The following FOXK1 variants were observed in gnomAD, a reference collection of about 807,000 sequenced individuals.
FOXK1 encodes the protein forkhead box K1, also known as forkhead box protein K1.
A neutral mutation model predicts 51.9 loss-of-function variants in FOXK1; 19 were observed. The observed-to-expected ratio is 0.37, with a 90% CI of 0.26 to 0.54. The LOEUF (loss-of-function observed/expected upper bound fraction) is 0.54, where lower values mean the gene tolerates loss of function less well. FOXK1 is among the 20% of genes least tolerant of loss of function. FOXK1 has a pLI of 0.87. For missense variants in FOXK1, 870 were observed against 1,032.7 expected (o/e 0.84, Z 2.16); for synonymous variants, 537 against 482.6 (o/e 1.11, Z -1.48).
chr7:4,691,259 A>G (rs1779887562), intron 1 of FOXK1, among the ~76,000 whole-genome samples: 1 of 152,190 alleles, frequency 6.6e-6, no homozygotes, highest in Non-Finnish European at 1.5e-5. Flanking sequence ...CTTAAACATA[A>G]CAGTTTCATC....
Position 4,755,500 on chromosome 7 carries a change from C to A in FOXK1, c.1050+117C>A. The A allele has an allele frequency of 7.2e-7, 1 of 1,395,528 alleles. No individual in the cohort carries two copies. Among genetic ancestry groups the A allele is most frequent in the Non-Finnish European group, 9.7e-7 (1 of 1,035,866 alleles). The allele number at this position is 1,395,528 out of a possible 1,614,324, so 86.4% of individuals were successfully genotyped here. On this transcript the variant is annotated intron_variant, in intron 4 of 8. Coordinates refer to ENST00000328914, the MANE Select transcript of FOXK1 (RefSeq NM_001037165.2). The surrounding 1 kb of genome is among the most constrained non-coding windows in gnomAD (Gnocchi z 6.6). ...CCAGTGAGGGGGCTCACGCCTGGAA[C>A]CCTAGCATTTTGTGAGGCCGAGGCA...
At chr7:4,704,450 CAAAAAAAAAAAAAAAAAA>C in intron 1 of FOXK1, among the ~76,000 whole-genome samples, 1 of 66,458 alleles carries the variant, frequency 1.5e-5, no homozygotes, top group East Asian at 6.2e-4. Context: ...GACTCTGTCT[CAAAAAAAAAAAAAAAAAA>C]GAAAAGAAAA....
chr7:4,702,868 C>A (rs948190577), intron 1 of FOXK1, among the ~76,000 whole-genome samples: 6 of 152,194 alleles, frequency 3.9e-5, no homozygotes, highest in Non-Finnish European at 8.8e-5. Flanking sequence ...CAGCTCTGAC[C>A]AGAGGGGATG....
chr7:4,705,559 C>T (rs1399823539), intron 1 of FOXK1, among the ~76,000 whole-genome samples: 3 of 136,150 alleles, frequency 2.2e-5, no homozygotes, highest in Non-Finnish European at 4.9e-5. Flanking sequence ...CTCTCTCTCT[C>T]GCTCTCGCTC....
Position 4,706,043 on chromosome 7 carries a change from CGTGTATAT to C in FOXK1, c.560+23176_560+23183del, listed in dbSNP as rs1562373244. On this transcript the variant is annotated intron_variant, in intron 1 of 8. Transcript: ENST00000328914. ...ATATACGTGTATATACGTGTATATA[CGTGTATAT>C]ATGTATATATATGTGTATATATGTA... 1.4e-3 allele frequency among the ~76,000 whole-genome samples: 130 copies of C among 95,212 alleles called. 13 individuals carry two copies. Among genetic ancestry groups the C allele is most frequent in the African/African-American group, 0.01 (117 of 11,330 alleles). 62.5% of individuals were successfully genotyped at this position (95,212 alleles called of 152,430 possible). A position where few individuals can be genotyped will look rare whatever the true frequency, so the allele number is the denominator to read the frequency against.
chr7:4,687,597 A>T (rs1045588219), intron 1 of FOXK1, among the ~76,000 whole-genome samples: 1 of 152,094 alleles, frequency 6.6e-6, no homozygotes, highest in East Asian at 1.9e-4. Context: ...CCCGGCCCCA[A>T]CTGAATTCTT....
At chr7:4,690,842 G>A (rs905128670) in intron 1 of FOXK1, among the ~76,000 whole-genome samples, 6 of 152,158 alleles carry the variant, frequency 3.9e-5, no homozygotes, top group Non-Finnish European at 7.3e-5. Flanking sequence ...AATGTCAGAG[G>A]ATAAACTTGC....
intron 1 of FOXK1, among the ~76,000 whole-genome samples, chr7:4,699,346 G>A (rs550744649): frequency 6.9e-5 from 10 of 145,760 alleles, no homozygotes; most frequent in South Asian, 2.2e-4. Flanking sequence ...GCAGTGACAC[G>A]ACTCGTGGGG....
rs757454404 is a variant in FOXK1, at chr7:4,682,839, C to A, written c.531C>A (p.Arg177=). The A allele has an allele frequency of 1.3e-6, 2 of 1,563,934 alleles. No homozygotes were observed. Among genetic ancestry groups the A allele is most frequent in the Non-Finnish European group, 1.7e-6 (2 of 1,160,750 alleles). Residue 177 remains arginine (R), a synonymous_variant, in exon 1 of 9, where the codon CGC becomes CGA. Coordinates refer to ENST00000328914, the MANE Select transcript of FOXK1 (RefSeq NM_001037165.2). This position sits in a 1 kb window ranked among gnomAD's most constrained non-coding sequence, Gnocchi z 7.6. ...TCGTGGACGGGGCCTTCCAGAGACG[C>A]GGCGCGCCCGCCCTGCAGCTGCCCA... ...GVFVDGAFQR[R]GAPALQLPKQ...
rs1301964022 is a variant in FOXK1, at chr7:4,683,953, C to G, written c.560+1085C>G. Among the ~76,000 whole-genome samples the G allele has an allele frequency of 6.6e-6, 1 of 152,156 alleles. No individual in the cohort carries two copies. Among genetic ancestry groups the G allele is most frequent in the Non-Finnish European group, 1.5e-5 (1 of 68,032 alleles). ...GCTCCTTGGATGGAGTAGCGGGACC[C>G]CAAGATCAAATTAGATTCCCCCGGG... is the stretch of plus-strand genomic sequence containing the variant. On this transcript the variant is annotated intron_variant, in intron 1 of 8. Transcript: ENST00000328914. This position sits in a 1 kb window ranked among gnomAD's most constrained non-coding sequence, Gnocchi z 4.5.
At chr7:4,754,907 T>C in intron 3 of FOXK1, 3 of 577,566 alleles carry the variant, frequency 5.2e-6, no homozygotes, top group Non-Finnish European at 3.1e-6. Flanking sequence ...AAAGCCTTCA[T>C]ACAGCCCTTG....
rs1781078566 is a variant in FOXK1, at chr7:4,770,124, G to T, written c.*7660G>T. 1 of 152,060 alleles carries T rather than the reference G, an allele frequency of 6.6e-6. No individual in the cohort carries two copies. The highest frequency in any genetic ancestry group is 2.4e-5 in the African/African-American group (1 of 41,380). 9.4% of individuals were successfully genotyped at this position (152,060 alleles called of 1,614,324 possible). A position where few individuals can be genotyped will look rare whatever the true frequency, so the allele number is the denominator to read the frequency against. On this transcript the variant is annotated 3_prime_UTR_variant, in exon 9 of 9. Coordinates refer to ENST00000328914, the MANE Select transcript of FOXK1 (RefSeq NM_001037165.2). ...AATTAGAGTTTTTGTTTGTTTGTTT[G>T]TTCTCTGCATGAAGTTCACAGGCCT...
chr7:4,728,110 G>A (rs944233618), intron 1 of FOXK1, among the ~76,000 whole-genome samples: 23 of 152,288 alleles, frequency 1.5e-4, no homozygotes, highest in Middle Eastern at 3.4e-3. Flanking sequence ...GATGGCAGCC[G>A]GGACCGGCTC....
intron 2 of FOXK1, among the ~76,000 whole-genome samples, chr7:4,751,354 C>G (rs1236512290): frequency 2.0e-5 from 3 of 152,034 alleles, no homozygotes; most frequent in Non-Finnish European, 4.4e-5. Flanking sequence ...CCAGCATTTT[C>G]TTTAGATTGC....
Position 4,706,343 on chromosome 7 carries a change from G to A in FOXK1, c.560+23475G>A, listed in dbSNP as rs139948066. ...TTCTGTGAATGATCTGTTTAAGTGG[G>A]TAAAGTGCTCTGGCACCCTAAGTTA... On this transcript the variant is annotated intron_variant, in intron 1 of 8. Transcript: ENST00000328914. 3.7e-3 allele frequency among the ~76,000 whole-genome samples: 563 copies of A among 152,100 alleles called. 6 individuals are homozygous for A. The highest frequency in any genetic ancestry group is 8.0e-3 in the Admixed American group (123 of 15,284).
At position 4,758,671 on chromosome 7, in the gene FOXK1, A is replaced by C; in HGVS notation, c.1245-380A>C. On this transcript the variant is annotated intron_variant, in intron 5 of 8. Coordinates refer to ENST00000328914, the MANE Select transcript of FOXK1 (RefSeq NM_001037165.2). This position sits in a 1 kb window ranked among gnomAD's most constrained non-coding sequence, Gnocchi z 4.4. ...TGACGTTCAAACACCCCTCTCGGGTAGAGTTTTCATGGTGGAACGGTTGCG... is the reference window on the plus strand; with the variant it reads ...TGACGTTCAAACACCCCTCTCGGGTCGAGTTTTCATGGTGGAACGGTTGCG... The C allele has an allele frequency of 4.6e-6, 1 of 218,256 alleles. No homozygotes were observed. Among genetic ancestry groups the C allele is most frequent in the Non-Finnish European group, 9.0e-6 (1 of 111,222 alleles). 13.5% of individuals were successfully genotyped at this position (218,256 alleles called of 1,614,324 possible).
intron 1 of FOXK1, among the ~76,000 whole-genome samples, chr7:4,740,212 C>T (rs567221412): frequency 6.6e-6 from 1 of 152,096 alleles, no homozygotes; most frequent in East Asian, 1.9e-4. Context: ...AGGCGGATTA[C>T]GAGGTCAGGA....
At chr7:4,741,097 G>A in intron 2 of FOXK1, 74 bp downstream of exon 2, 2 of 1,084,488 alleles carry the variant, frequency 1.8e-6, no homozygotes, top group Non-Finnish European at 2.5e-6. Context: ...GTCGTACGCA[G>A]CACCGGGTTC....
At chr7:4,752,725 G>C (rs1244020144) in intron 2 of FOXK1, among the ~76,000 whole-genome samples, 2 of 152,216 alleles carry the variant, frequency 1.3e-5, no homozygotes, top group Non-Finnish European at 1.5e-5. Context: ...AGTTCTTCCT[G>C]CTGAGTCCAA....
Sources: allele counts gnomAD v4.1 joint callset (sites outside exome capture counted in the v4.1 genomes callset), GRCh38; gene constraint gnomAD v4.1.1; non-coding constraint Gnocchi (gnomAD v3.1); transcripts MANE v1.5; gene names NCBI Gene and HGNC (gene_info 2026-07-23, HGNC 2026-07-21).